LRPPRC: variants seen among roughly 807,000 people sequenced by gnomAD.
LRPPRC encodes the protein leucine-rich PPR motif-containing protein, mitochondrial.
In LRPPRC, 120 loss-of-function variants were observed where a neutral mutation model predicts 180.3. The ratio of observed to expected loss-of-function variants is 0.67; its 90% CI spans 0.57 to 0.77. The LOEUF is 0.77. Ranked by LOEUF, LRPPRC falls within the 30% of genes least tolerant of loss-of-function variation. The pLI is 0.00. For synonymous variants in LRPPRC, 723 were observed against 600.0 expected (o/e 1.21, Z -3.00); for missense variants, 2,012 against 1,657.2 (o/e 1.21, Z -3.72).
chr2:43,974,543 C>A, intron 8 of LRPPRC, 71 bp downstream of exon 8: 1 of 1,129,458 alleles, frequency 8.9e-7, no homozygotes, highest in Admixed American at 2.0e-5. Context: ...TAGAAAATGT[C>A]CTTTCCATCA....
chr2:43,994,060 G>GC, intron 1 of LRPPRC, among the ~76,000 whole-genome samples: 1 of 151,674 alleles, frequency 6.6e-6, no homozygotes, highest in East Asian at 1.9e-4. Context: ...CTCCTCAAAT[G>GC]CAACAGTGAA....
intron 13 of LRPPRC, among the ~76,000 whole-genome samples, chr2:43,960,101 GT>G (rs1160855842): frequency 6.6e-6 from 1 of 152,102 alleles, no homozygotes; most frequent in Non-Finnish European, 1.5e-5. Context: ...CATTTGCTGT[GT>G]TTTTGTTAAT....
intron 12 of LRPPRC, among the ~76,000 whole-genome samples, chr2:43,961,269 A>G (rs1448628858): frequency 6.6e-6 from 1 of 152,214 alleles, no homozygotes; most frequent in Non-Finnish European, 1.5e-5. Flanking sequence ...AGAGAAGTGT[A>G]ATTTTTCTTC....
intron 14 of LRPPRC, among the ~76,000 whole-genome samples, chr2:43,954,392 C>G (rs995031088): frequency 6.6e-6 from 1 of 152,164 alleles, no homozygotes; most frequent in Non-Finnish European, 1.5e-5. Flanking sequence ...GAAAATTATA[C>G]ATTAAGATGT....
chr2:43,994,005 C>G (rs1374814471), intron 1 of LRPPRC, among the ~76,000 whole-genome samples: 2 of 151,942 alleles, frequency 1.3e-5, no homozygotes, highest in Non-Finnish European at 2.9e-5. Context: ...TGATGAACAC[C>G]GAGACCACCC....
chr2:43,896,504 A>G, intron 35 of LRPPRC, 130 bp downstream of exon 35: 1 of 679,034 alleles, frequency 1.5e-6, no homozygotes, highest in Non-Finnish European at 2.7e-6. Context: ...AAGTAGAGAC[A>G]AGCAAAGTCT....
rs1672774889 is a variant in LRPPRC at position 43,948,403 on chromosome 2, A to C, written c.1842+9T>G. 10 of 1,586,210 alleles carry C rather than the reference A, an allele frequency of 6.3e-6. No homozygotes were observed. The highest frequency in any genetic ancestry group is 8.7e-6 in the Non-Finnish European group (10 of 1,154,732). The stretch of plus-strand genomic sequence containing the variant: ...GACAGGCATTATATAGCAAAAAACG[A>C]AATGGTACCATCTTCTCCAGCTGAT... On this transcript the variant is annotated intron_variant, in intron 17 of 37. Coordinates refer to ENST00000260665, the MANE Select transcript of LRPPRC (RefSeq NM_133259.4).
In LRPPRC at chr2:43,934,762, A is replaced by G. The variant is rs1672214443; in HGVS notation, c.2621T>C (p.Ile874Thr). 4 of 1,613,108 alleles carry G rather than the reference A, an allele frequency of 2.5e-6. No homozygotes were observed. Among genetic ancestry groups the G allele is most frequent in the Non-Finnish European group, 3.4e-6 (4 of 1,179,140 alleles). The change falls in exon 24 of 38, where the codon ATT becomes ACT. Residue 874 changes from isoleucine (I) to threonine (T), a missense_variant. Coordinates refer to ENST00000260665, the MANE Select transcript of LRPPRC (RefSeq NM_133259.4). ...KLVEKGETDL[I>T]QKAMDFVSQE... ...ACTAGAAAGTGACTCACCTTTCTGAATTAGATCAGTCTCGCCTTTCTCTAC... is the reference window on the plus strand; with the variant it reads ...ACTAGAAAGTGACTCACCTTTCTGAGTTAGATCAGTCTCGCCTTTCTCTAC...
intron 5 of LRPPRC, 29 bp downstream of exon 5, chr2:43,976,965 C>A: frequency 6.3e-7 from 1 of 1,583,508 alleles, no homozygotes; most frequent in African/African-American, 1.3e-5. Context: ...CAAATTTGTT[C>A]GCTTAAACAT....
intron 23 of LRPPRC, among the ~76,000 whole-genome samples, chr2:43,940,392 G>A (rs1672435470): frequency 6.6e-6 from 1 of 152,154 alleles, no homozygotes; most frequent in Non-Finnish European, 1.5e-5. Flanking sequence ...ACATATTAAA[G>A]TGTTACAGTG....
intron 14 of LRPPRC, among the ~76,000 whole-genome samples, chr2:43,953,457 T>C (rs929152945): frequency 2.2e-4 from 33 of 152,342 alleles, no homozygotes; most frequent in African/African-American, 7.0e-4. Flanking sequence ...AAAGACAGAT[T>C]TGCAACTGTG....
chr2:43,974,802 T>C (rs536942516), intron 7 of LRPPRC, 44 bp from the exon 8 acceptor site: 9 of 1,578,014 alleles, frequency 5.7e-6, no homozygotes, highest in Non-Finnish European at 7.0e-6. Flanking sequence ...TAGAGTGTTT[T>C]TATTTAAGTA....
At chr2:43,938,952 C>G (rs906880755) in intron 23 of LRPPRC, among the ~76,000 whole-genome samples, 2 of 152,026 alleles carry the variant, frequency 1.3e-5, no homozygotes, top group African/African-American at 4.8e-5. Flanking sequence ...AAGTAACTTT[C>G]TAATCCCAGA....
At chr2:43,957,246 A>G (rs1673154689) in intron 14 of LRPPRC, 139 bp downstream of exon 14, 2 of 717,340 alleles carry the variant, frequency 2.8e-6, no homozygotes, top group Admixed American at 2.2e-5. Flanking sequence ...AAAAAATTAA[A>G]CAAGCAAAGG....
chr2:43,989,730 T>C (rs1013540933), intron 1 of LRPPRC, among the ~76,000 whole-genome samples: 14 of 152,232 alleles, frequency 9.2e-5, no homozygotes, highest in African/African-American at 3.4e-4. Context: ...GTGTAACATA[T>C]GTAAAACACT....
chr2:43,964,821 C>T (rs375381438), intron 11 of LRPPRC, among the ~76,000 whole-genome samples: 157 of 152,106 alleles, frequency 1.0e-3, no homozygotes, highest in African/African-American at 3.4e-3. Context: ...ACCAATGCAA[C>T]GGAACAAAGA....
Position 43,945,390 on chromosome 2 carries a change from A to C in LRPPRC, c.2238T>G (p.Leu746=). Residue 746 remains leucine (L), a synonymous_variant, in exon 22 of 38, where the codon CTT becomes CTG. Transcript: ENST00000260665. Reference sequence around the variant, plus strand: ...CAAGGCCTACATACTTGCCGGTGTCAAGGACAGCAGATGAATCTAAGCGGT... The same window carrying C: ...CAAGGCCTACATACTTGCCGGTGTCCAGGACAGCAGATGAATCTAAGCGGT... ...EFDRLDSSAV[L]DTGKYVGLVR... 2 of 1,612,216 alleles carry C rather than the reference A, an allele frequency of 1.2e-6. No individual in the cohort carries two copies. Among genetic ancestry groups the C allele is most frequent in the South Asian group, 2.2e-5 (2 of 91,036 alleles).
At chr2:43,984,555 T>C (rs1446408879) in intron 1 of LRPPRC, among the ~76,000 whole-genome samples, 1 of 152,192 alleles carries the variant, frequency 6.6e-6, no homozygotes, top group Non-Finnish European at 1.5e-5. Context: ...TAAATTGGGA[T>C]AGAGGAAGGA....
chr2:43,949,414 AAAT>A (rs934761049), intron 16 of LRPPRC, among the ~76,000 whole-genome samples, 185 bp downstream of exon 16: 1 of 152,218 alleles, frequency 6.6e-6, no homozygotes, highest in Non-Finnish European at 1.5e-5. Context: ...TCTTTAGAAA[AAAT>A]AATTGTAACA....
Sources: gnomAD v4.1 joint callset for allele counts (sites outside exome capture counted in the v4.1 genomes callset) on GRCh38, gnomAD v4.1.1 for gene constraint, MANE v1.5 for transcripts, NCBI Gene and HGNC (gene_info 2026-07-23, HGNC 2026-07-21) for gene names.